Variants in ARHGEF10L observed in about 807,000 individuals in gnomAD.
ARHGEF10L encodes the protein Rho guanine nucleotide exchange factor 10 like, also known as rho guanine nucleotide exchange factor 10-like protein.
ARHGEF10L carries 69 observed loss-of-function variants against 141.2 expected under a neutral mutation model. That is an observed-to-expected ratio of 0.49 (90% confidence interval 0.40 to 0.60). ARHGEF10L has a LOEUF of 0.60. Among genes scored for constraint, ARHGEF10L ranks in the 20% least tolerant of loss-of-function variants. The probability of loss-of-function intolerance (pLI) is 0.00; values close to 1 mark genes in which losing one functional copy is unlikely to be tolerated. For missense variants in ARHGEF10L, 1,482 were observed against 1,734.3 expected, an observed-to-expected ratio of 0.85 and a Z score of 2.58; for synonymous variants, 711 against 718.5, an observed-to-expected ratio of 0.99 and a Z score of 0.17.
chr1:17,542,819 G>A (rs368111679), intron 1 of ARHGEF10L, among the ~76,000 whole-genome samples: 23 of 152,262 alleles, frequency 1.5e-4, no homozygotes, highest in African/African-American at 4.6e-4. Context: ...CTGCTGAAGC[G>A]AGTCAGCGAA....
intron 1 of ARHGEF10L, 145 bp from the exon 2 acceptor site, chr1:17,580,408 G>A (rs897144106): frequency 4.5e-6 from 3 of 659,706 alleles, no homozygotes; most frequent in African/African-American, 1.8e-5. Context: ...ATTTATGAAG[G>A]CTGGAGGCTG....
intron 14 of ARHGEF10L, among the ~76,000 whole-genome samples, chr1:17,626,518 G>A (rs559948076): frequency 1.2e-3 from 182 of 152,316 alleles, no homozygotes; most frequent in African/African-American, 4.2e-3. Context: ...AGCTGAGAGG[G>A]TGGCTACCAG....
chr1:17,554,070 G>A (rs917672804), intron 1 of ARHGEF10L, among the ~76,000 whole-genome samples: 1 of 152,204 alleles, frequency 6.6e-6, no homozygotes, highest in Non-Finnish European at 1.5e-5. Context: ...GCTTCCTTGT[G>A]GGGGTGGGTA....
At chr1:17,513,641 CA>C in the ARHGEF10L span, among the ~76,000 whole-genome samples, 1 of 152,108 alleles carries the variant, frequency 6.6e-6, no homozygotes, top group African/African-American at 2.4e-5. Context: ...AGCAATTTCA[CA>C]ATCAAAAATG....
At chr1:17,528,926 A>G in the ARHGEF10L span, among the ~76,000 whole-genome samples, 7 of 152,298 alleles carry the variant, frequency 4.6e-5, no homozygotes, top group South Asian at 4.1e-4. Context: ...CGTGTAGCAA[A>G]TGCTCAATAA....
intron 9 of ARHGEF10L, among the ~76,000 whole-genome samples, chr1:17,618,675 G>A (rs372669754): frequency 3.3e-5 from 5 of 152,098 alleles, no homozygotes; most frequent in Non-Finnish European, 5.9e-5. Context: ...CCCCTCTCCC[G>A]GCACCTGTAC....
intron 26 of ARHGEF10L, among the ~76,000 whole-genome samples, chr1:17,685,370 G>A (rs2064485062): frequency 1.3e-5 from 2 of 152,242 alleles, no homozygotes; most frequent in South Asian, 4.2e-4. Flanking sequence ...CCCCCACCAC[G>A]GGTCCCTCTG....
chr1:17,689,752 G>C (rs1322845435), intron 27 of ARHGEF10L: 1 of 454,594 alleles, frequency 2.2e-6, no homozygotes, highest in South Asian at 1.6e-5. Flanking sequence ...ATTATTTCAA[G>C]TTAGTGGAAC....
upstream of ARHGEF10L, among the ~76,000 whole-genome samples, chr1:17,537,138 C>A (rs1315055366): frequency 6.6e-6 from 1 of 152,152 alleles, no homozygotes; most frequent in Admixed American, 6.5e-5. Context: ...AAGCAATCCT[C>A]TTGCCTTGGC....
At chr1:17,595,819 G>A (rs529900996) in intron 4 of ARHGEF10L, among the ~76,000 whole-genome samples, 8 of 152,228 alleles carry the variant, frequency 5.3e-5, no homozygotes, top group African/African-American at 1.9e-4. Context: ...TATTTACTCC[G>A]TACCAGAACC....
In ARHGEF10L at chr1:17,697,009, C is replaced by A; in HGVS notation, c.3469C>A (p.Pro1157Thr). The change falls in exon 29 of 29, where the codon CCC (proline) becomes ACC (threonine). Residue 1157 changes from proline (P) to threonine (T), a missense_variant. Pro to Thr is a conservative substitution (Grantham distance 38). Around this residue, in one of 3 missense-constraint regions of ARHGEF10L, gnomAD observed 858 missense variants for 966.3 expected, o/e 0.89. Coordinates refer to ENST00000361221, the MANE Select transcript of ARHGEF10L (RefSeq NM_018125.4). The surrounding 1 kb of genome is among the most constrained non-coding windows in gnomAD (Gnocchi z 4.8). The part of the protein sequence containing the change: ...KPDGQAHEPM[P>T]DSHVGRELTR... ...AGACGGGCAGGCACACGAGCCCATGCCCGATAGCCACGTGGGCCGAGAGCT... is the reference window on the plus strand; with the variant it reads ...AGACGGGCAGGCACACGAGCCCATGACCGATAGCCACGTGGGCCGAGAGCT... The A allele has an allele frequency of 6.8e-6, 11 of 1,609,068 alleles. No homozygotes were observed. Among genetic ancestry groups the A allele is most frequent in the Non-Finnish European group, 9.3e-6 (11 of 1,178,202 alleles).
intron 2 of ARHGEF10L, among the ~76,000 whole-genome samples, chr1:17,583,310 T>G (rs1017187756): frequency 6.6e-6 from 1 of 151,728 alleles, no homozygotes; most frequent in African/African-American, 2.4e-5. Flanking sequence ...TGGAGAGGAC[T>G]GCCCTTCTCA....
At chr1:17,598,874 T>G (rs1407103151) in intron 4 of ARHGEF10L, among the ~76,000 whole-genome samples, 1 of 152,106 alleles carries the variant, frequency 6.6e-6, no homozygotes, top group Non-Finnish European at 1.5e-5. Flanking sequence ...ATGCAAGTTC[T>G]CGACTTCCAG....
chr1:17,683,173 T>A (rs368165858), intron 26 of ARHGEF10L, among the ~76,000 whole-genome samples: 1 of 81,150 alleles, frequency 1.2e-5, no homozygotes, highest in Non-Finnish European at 2.5e-5. Flanking sequence ...GCTCTCACCG[T>A]GGTGCTCACT....
intron 6 of ARHGEF10L, among the ~76,000 whole-genome samples, chr1:17,605,926 A>G (rs1443387435): frequency 6.6e-6 from 1 of 152,226 alleles, no homozygotes; most frequent in Non-Finnish European, 1.5e-5. Context: ...TTGCTTAAAA[A>G]TAGCCTCATG....
At chr1:17,638,231 G>A (rs1353713683) in intron 19 of ARHGEF10L, among the ~76,000 whole-genome samples, 1 of 152,250 alleles carries the variant, frequency 6.6e-6, no homozygotes, top group Non-Finnish European at 1.5e-5. Context: ...GTTGAGTGGA[G>A]CCTGGCTGTG....
the ARHGEF10L span, among the ~76,000 whole-genome samples, chr1:17,532,314 T>G: frequency 6.6e-6 from 1 of 152,184 alleles, no homozygotes; most frequent in Admixed American, 6.5e-5. Flanking sequence ...AGTAATCTGA[T>G]GCCAGGAAGC....
chr1:17,584,203 C>G (rs2078833478), intron 2 of ARHGEF10L, among the ~76,000 whole-genome samples: 1 of 152,010 alleles, frequency 6.6e-6, no homozygotes, highest in African/African-American at 2.4e-5. Context: ...TGCTACTACA[C>G]CTGGCTAATT....
Position 17,573,432 on chromosome 1 carries a change from G to C in ARHGEF10L, c.-43-7121G>C, listed in dbSNP as rs1247202448. 6.6e-6 allele frequency among the ~76,000 whole-genome samples: 1 copy of C among 152,222 alleles called. No individual in the cohort carries two copies. Among genetic ancestry groups the C allele is most frequent in the African/African-American group, 2.4e-5 (1 of 41,464 alleles). ...CATCACAGGGACACCCCTGATGTGGGGCTGAGGGTCTGGGGTTCTCTGGAG... is the reference window on the plus strand; with the variant it reads ...CATCACAGGGACACCCCTGATGTGGCGCTGAGGGTCTGGGGTTCTCTGGAG... On this transcript the variant is annotated intron_variant, in intron 1 of 28. Transcript: ENST00000361221. The surrounding 1 kb of genome is among the most constrained non-coding windows in gnomAD (Gnocchi z 4.8).
Sources: gnomAD v4.1 joint callset for allele counts (sites outside exome capture counted in the v4.1 genomes callset) on GRCh38, gnomAD v4.1.1 for gene constraint, gnomAD v4.1.1 regional missense constraint, Gnocchi (gnomAD v3.1) non-coding constraint, MANE v1.5 for transcripts, NCBI Gene and HGNC (gene_info 2026-07-23, HGNC 2026-07-21) for gene names.